RCBTB1: variants seen among roughly 807,000 people sequenced by gnomAD.
RCBTB1 encodes the protein RCC1 and BTB domain-containing protein 1.
Under a neutral mutation model 62.4 loss-of-function variants are expected in RCBTB1, and 46 were observed. The observed-to-expected ratio is 0.74, with a 90% CI of 0.58 to 0.94. The LOEUF (loss-of-function observed/expected upper bound fraction) is 0.94, where lower values mean the gene tolerates loss of function less well. Ranked by LOEUF, RCBTB1 falls within the 40% of genes least tolerant of loss-of-function variation. The probability of loss-of-function intolerance (pLI) is 0.00; values close to 1 mark genes in which losing one functional copy is unlikely to be tolerated. For missense variants in RCBTB1, 565 were observed against 654.9 expected (o/e 0.86, Z 1.50); for synonymous variants, 222 against 245.8 (o/e 0.90, Z 0.91).
chr13:49,550,066 T>G (rs1000896673), intron 8 of RCBTB1, among the ~76,000 whole-genome samples: 79 of 152,234 alleles, frequency 5.2e-4, no homozygotes, highest in African/African-American at 1.7e-3. Flanking sequence ...CATGGCTCAC[T>G]GCAGCCTCGA....
chr13:49,572,182 C>A (rs529627137), intron 2 of RCBTB1, among the ~76,000 whole-genome samples: 2 of 152,104 alleles, frequency 1.3e-5, no homozygotes, highest in Non-Finnish European at 2.9e-5. Context: ...CAGAAATTAT[C>A]CAGGAGTAGT....
chr13:49,564,174 T>C (rs1962707626), intron 4 of RCBTB1, among the ~76,000 whole-genome samples: 1 of 152,192 alleles, frequency 6.6e-6, no homozygotes. Context: ...CCTATCAACC[T>C]GCATCCCCGG....
In RCBTB1 at chr13:49,534,064, T is replaced by C; in HGVS notation, c.*58A>G. ...ATCACATCACCCGTAGAGCACAAAC[T>C]GGACACATCCTCAACAGTGCCCCAG... On this transcript the variant is annotated 3_prime_UTR_variant, in exon 13 of 13. Transcript: ENST00000378302. The C allele has an allele frequency of 6.4e-7, 1 of 1,556,098 alleles. No homozygotes were observed. The highest frequency in any genetic ancestry group is 2.3e-5 in the East Asian group (1 of 44,094).
Position 49,549,439 on chromosome 13 carries a change from T to C in RCBTB1, c.1045+19A>G. On this transcript the variant is annotated intron_variant, in intron 9 of 12. Coordinates refer to ENST00000378302, the MANE Select transcript of RCBTB1 (RefSeq NM_018191.4). ...TAGTACCATTCTTCCTGGGTGGAGG[T>C]GGCCCTGCACTTTCTTACCCACAGA... 6.3e-7 allele frequency: 1 copy of C among 1,587,102 alleles called. No homozygotes were observed. The highest frequency in any genetic ancestry group is 8.6e-7 in the Non-Finnish European group (1 of 1,163,080).
intron 7 of RCBTB1, among the ~76,000 whole-genome samples, chr13:49,551,895 G>A (rs1366290577): frequency 2.7e-4 from 15 of 55,292 alleles, no homozygotes; most frequent in South Asian, 2.1e-3. Flanking sequence ...GGGAGACTCC[G>A]TCTCAAAAAA....
chr13:49,555,098 C>T (rs1185744170), intron 6 of RCBTB1, among the ~76,000 whole-genome samples: 1 of 152,178 alleles, frequency 6.6e-6, no homozygotes, highest in African/African-American at 2.4e-5. Flanking sequence ...TTGCAAGTTG[C>T]TTCCTCCTGT....
At chr13:49,541,989 T>TA (rs1214459579) in intron 10 of RCBTB1, among the ~76,000 whole-genome samples, 162 bp from the exon 11 acceptor site, 1 of 151,960 alleles carries the variant, frequency 6.6e-6, no homozygotes, top group Non-Finnish European at 1.5e-5. Context: ...GCCAAGCGGG[T>TA]AGATCACCTG....
At chr13:49,559,711 A>G (rs1435759158) in intron 5 of RCBTB1, among the ~76,000 whole-genome samples, 1 of 149,762 alleles carries the variant, frequency 6.7e-6, no homozygotes, top group Non-Finnish European at 1.5e-5. Context: ...ACAGAATGGG[A>G]GTGAATGTTT....
intron 2 of RCBTB1, among the ~76,000 whole-genome samples, chr13:49,568,427 G>C (rs1165401270): frequency 6.6e-6 from 1 of 152,166 alleles, no homozygotes; most frequent in Non-Finnish European, 1.5e-5. Context: ...AAAATTGCTA[G>C]GTCAAAGTCT....
chr13:49,552,736 A>G (rs757124685), intron 6 of RCBTB1, among the ~76,000 whole-genome samples: 1 of 152,128 alleles, frequency 6.6e-6, no homozygotes, highest in Non-Finnish European at 1.5e-5. Context: ...AGAAAGATTA[A>G]GGAAGACTTT....
chr13:49,582,436 A>C (rs1452622837), intron 1 of RCBTB1, among the ~76,000 whole-genome samples: 1 of 152,172 alleles, frequency 6.6e-6, no homozygotes, highest in Non-Finnish European at 1.5e-5. Context: ...GCAGTGAGCC[A>C]AGATCACACC....
intron 1 of RCBTB1, among the ~76,000 whole-genome samples, chr13:49,583,154 G>A (rs533128752): frequency 3.9e-5 from 6 of 152,174 alleles, no homozygotes; most frequent in African/African-American, 9.6e-5. Flanking sequence ...CAGACTGGGC[G>A]ACATAGTGAG....
intron 12 of RCBTB1, among the ~76,000 whole-genome samples, chr13:49,538,802 G>C (rs1452417929): frequency 6.6e-6 from 1 of 151,182 alleles, no homozygotes; most frequent in Non-Finnish European, 1.5e-5. Context: ...AAATAAAGAG[G>C]TGAGTCTTTC....
chr13:49,548,073 C>G (rs181130000), intron 9 of RCBTB1, among the ~76,000 whole-genome samples: 1 of 152,194 alleles, frequency 6.6e-6, no homozygotes, highest in Non-Finnish European at 1.5e-5. Flanking sequence ...GCCACCACAC[C>G]CAGCCGGTTC....
intron 5 of RCBTB1, among the ~76,000 whole-genome samples, chr13:49,558,350 T>C (rs1259768767): frequency 6.6e-6 from 1 of 152,094 alleles, no homozygotes; most frequent in African/African-American, 2.4e-5. Flanking sequence ...ACAAACGGGT[T>C]GGAAAATGAA....
intron 2 of RCBTB1, among the ~76,000 whole-genome samples, chr13:49,569,028 T>G (rs1254361930): frequency 6.6e-6 from 1 of 152,252 alleles, no homozygotes; most frequent in East Asian, 1.9e-4. Flanking sequence ...ATTTATTCAT[T>G]CATTTAATCC....
intron 1 of RCBTB1, among the ~76,000 whole-genome samples, chr13:49,583,258 G>C (rs1431447757): frequency 6.6e-6 from 1 of 152,108 alleles, no homozygotes; most frequent in Non-Finnish European, 1.5e-5. Flanking sequence ...AAAGAGCACT[G>C]AGCAGAGAAA....
At chr13:49,535,139 A>G (rs755482160) in intron 12 of RCBTB1, among the ~76,000 whole-genome samples, 2 of 152,166 alleles carry the variant, frequency 1.3e-5, no homozygotes, top group African/African-American at 2.4e-5. Flanking sequence ...CACCACACTA[A>G]TATCTCAGAA....
intron 12 of RCBTB1, 21 bp from the exon 13 acceptor site, chr13:49,534,283 A>G (rs1959764873): frequency 1.2e-6 from 2 of 1,601,620 alleles, no homozygotes; most frequent in African/African-American, 1.4e-5. Flanking sequence ...AACAAAAATA[A>G]AAACAAAAAT....
Sources: gnomAD v4.1 joint callset for allele counts (sites outside exome capture counted in the v4.1 genomes callset) on GRCh38, gnomAD v4.1.1 for gene constraint, MANE v1.5 for transcripts, NCBI Gene and HGNC (gene_info 2026-07-23, HGNC 2026-07-21) for gene names.